PDZRN4: variants seen among roughly 807,000 people sequenced by gnomAD.
PDZRN4 encodes PDZ domain-containing RING finger protein 4.
PDZRN4 carries 70 observed loss-of-function variants against 99.0 expected under a neutral mutation model. The observed-to-expected ratio is 0.71, with a 90% CI of 0.58 to 0.86. The LOEUF (loss-of-function observed/expected upper bound fraction) is 0.86. Ranked by LOEUF, PDZRN4 falls within the 40% of genes least tolerant of loss-of-function variation. The pLI, the probability that PDZRN4 is intolerant of heterozygous loss-of-function variation, is 0.00. For synonymous variants in PDZRN4, 551 were observed against 501.6 expected (o/e 1.10, Z -1.32); for missense variants, 1,474 against 1,331.2 (o/e 1.11, Z -1.67).
At chr12:41,205,642 C>G (rs557242813) in intron 3 of PDZRN4, among the ~76,000 whole-genome samples, 1 of 152,028 alleles carries the variant, frequency 6.6e-6, no homozygotes, top group South Asian at 2.1e-4. Flanking sequence ...GCAGACAAGC[C>G]TCCTCTGTCT....
rs1333091652 is a variant in PDZRN4 at position 41,555,757 on chromosome 12, G to A, written c.1362G>A (p.Leu454=). ...DGRIREGDRI[L]QINGEDVQNR... is the part of the protein sequence containing the mutation. ...GGATTCGAGAAGGGGATCGGATTTT[G>A]CAAGTAGGTGGTATAGTAATTTCCT... Residue 454 remains leucine, a synonymous_variant, in exon 7 of 10, where the codon TTG becomes TTA. Coordinates refer to ENST00000402685, the MANE Select transcript of PDZRN4 (RefSeq NM_001164595.2). 6.2e-7 allele frequency: 1 copy of A among 1,613,108 alleles called. No individual in the cohort carries two copies.
intron 5 of PDZRN4, among the ~76,000 whole-genome samples, chr12:41,516,254 T>A (rs575026481): frequency 2.0e-4 from 31 of 152,204 alleles, no homozygotes; most frequent in African/African-American, 7.2e-4. Context: ...TTCTTCTAAA[T>A]GGATAGTCTT....
intron 7 of PDZRN4, among the ~76,000 whole-genome samples, chr12:41,557,458 T>G (rs1939188281): frequency 6.6e-6 from 1 of 152,168 alleles, no homozygotes; most frequent in Non-Finnish European, 1.5e-5. Flanking sequence ...AGACAAGATG[T>G]TGTCCCAGCA....
At chr12:41,407,675 A>C (rs148845533) in intron 3 of PDZRN4, among the ~76,000 whole-genome samples, 1 of 151,676 alleles carries the variant, frequency 6.6e-6, no homozygotes, top group Non-Finnish European at 1.5e-5. Flanking sequence ...CAGTTTTGCA[A>C]TCTAATTACA....
chr12:41,570,585 T>C (rs1346548131), intron 9 of PDZRN4, among the ~76,000 whole-genome samples: 1 of 152,042 alleles, frequency 6.6e-6, no homozygotes, highest in Non-Finnish European at 1.5e-5. Flanking sequence ...GCATGTAAAA[T>C]AAGAAAAAAA....
chr12:41,189,198 C>A, intron 1 of PDZRN4, 95 bp downstream of exon 1: 1 of 1,166,790 alleles, frequency 8.6e-7, no homozygotes, highest in South Asian at 1.4e-5. Flanking sequence ...TGGAATTGGG[C>A]ATCCTTCCTC....
chr12:41,231,619 G>A (rs1047447163), intron 3 of PDZRN4, among the ~76,000 whole-genome samples: 1 of 152,008 alleles, frequency 6.6e-6, no homozygotes. Context: ...CATTTTTACT[G>A]TTTCAAAATT....
intron 3 of PDZRN4, among the ~76,000 whole-genome samples, chr12:41,293,423 A>G (rs1310785147): frequency 3.3e-5 from 5 of 151,492 alleles, no homozygotes; most frequent in African/African-American, 1.2e-4. Flanking sequence ...GCTCTCCCCT[A>G]CTACCTGCGC....
chr12:41,413,737 C>G (rs1381810515), intron 3 of PDZRN4, among the ~76,000 whole-genome samples: 1 of 151,998 alleles, frequency 6.6e-6, no homozygotes, highest in Non-Finnish European at 1.5e-5. Context: ...TTGAAGACAG[C>G]AGATAGCTAT....
At chr12:41,406,832 T>C (rs1211593814) in intron 3 of PDZRN4, among the ~76,000 whole-genome samples, 3 of 117,010 alleles carry the variant, frequency 2.6e-5, no homozygotes. Context: ...CCCTCCAGCC[T>C]GGGCAACAAG....
At chr12:41,291,423 T>G (rs1051215251) in intron 3 of PDZRN4, among the ~76,000 whole-genome samples, 4 of 152,326 alleles carry the variant, frequency 2.6e-5, no homozygotes, top group Non-Finnish European at 4.4e-5. Context: ...TTAGTGGCTA[T>G]ATAAACTTCT....
Position 41,341,254 on chromosome 12 carries a change from C to G in PDZRN4, c.843+147066C>G, listed in dbSNP as rs1028628891. ...TGTATGACAAACCTGTAGCTAACAT[C>G]ATACTGAATGGGGAAAACCTGAAAC... is the stretch of plus-strand genomic sequence containing the variant. On this transcript the variant is annotated intron_variant, in intron 3 of 9. Transcript: ENST00000402685. Among the ~76,000 whole-genome samples the G allele has an allele frequency of 1.3e-4, 19 of 151,774 alleles. No individual in the cohort carries two copies. In the South Asian group the frequency reaches 3.7e-3, roughly 30 times the overall value.
rs545998949 is a variant in PDZRN4, at chr12:41,498,271, A to C, written c.844-8185A>C. Among the ~76,000 whole-genome samples the C allele has an allele frequency of 3.0e-4, 45 of 152,236 alleles. No individual in the cohort carries two copies. In the South Asian group the frequency reaches 8.3e-3, roughly 28 times the overall value. On this transcript the variant is annotated intron_variant, in intron 3 of 9. Transcript: ENST00000402685. ...GGACATTCCTGCTCAAAATACATAA[A>C]TATATAACCTGAGTCTAATCAAGAC...
intron 3 of PDZRN4, among the ~76,000 whole-genome samples, chr12:41,404,094 A>G (rs952016223): frequency 6.6e-6 from 1 of 152,094 alleles, no homozygotes; most frequent in Non-Finnish European, 1.5e-5. Flanking sequence ...TACTTATAAT[A>G]CCTAATACAA....
At chr12:41,420,537 G>A (rs1223905249) in intron 3 of PDZRN4, among the ~76,000 whole-genome samples, 1 of 152,034 alleles carries the variant, frequency 6.6e-6, no homozygotes, top group Non-Finnish European at 1.5e-5. Flanking sequence ...AAACATGACT[G>A]ATACGTTCCA....
At chr12:41,434,621 C>A (rs145872496) in intron 3 of PDZRN4, among the ~76,000 whole-genome samples, 1 of 152,142 alleles carries the variant, frequency 6.6e-6, no homozygotes, top group South Asian at 2.1e-4. Flanking sequence ...GCCTCTTATA[C>A]GTCAGTCTAG....
At chr12:41,569,117 C>CATT (rs142276282) in intron 9 of PDZRN4, among the ~76,000 whole-genome samples, 20,550 of 146,344 alleles carry the variant, frequency 0.14, 1,671 homozygotes, top group East Asian at 0.32. Context: ...TTATTATTAT[C>CATT]ATTATTATTA....
At chr12:41,516,928 T>G (rs1938410786) in intron 5 of PDZRN4, among the ~76,000 whole-genome samples, 1 of 152,040 alleles carries the variant, frequency 6.6e-6, no homozygotes. Flanking sequence ...ATACTTAAGT[T>G]TATTAAATTG....
chr12:41,446,912 G>T (rs1952734046), intron 3 of PDZRN4, among the ~76,000 whole-genome samples: 1 of 148,452 alleles, frequency 6.7e-6, no homozygotes, highest in Non-Finnish European at 1.5e-5. Flanking sequence ...AAGGTAATGT[G>T]TTTGATGTCC....
Sources: gnomAD v4.1 joint callset for allele counts (sites outside exome capture counted in the v4.1 genomes callset) on GRCh38, gnomAD v4.1.1 for gene constraint, MANE v1.5 for transcripts, NCBI Gene and HGNC (gene_info 2026-07-23, HGNC 2026-07-21) for gene names.